Variants in RPTOR observed in about 807,000 individuals in gnomAD.
RPTOR encodes the protein regulatory-associated protein of mTOR.
Under a neutral mutation model 169.9 loss-of-function variants are expected in RPTOR, and 21 were observed. The ratio of observed to expected loss-of-function variants is 0.12; its 90% CI spans 0.09 to 0.18. The LOEUF (loss-of-function observed/expected upper bound fraction) is 0.18. Among genes scored for constraint, RPTOR ranks in the 10% least tolerant of loss-of-function variants. The probability of loss-of-function intolerance (pLI) is 1.00; values close to 1 mark genes in which losing one functional copy is unlikely to be tolerated. For missense variants in RPTOR, 1,133 were observed against 1,855.9 expected, an observed-to-expected ratio of 0.61 and a Z score of 7.16; for synonymous variants, 732 against 753.2, an observed-to-expected ratio of 0.97 and a Z score of 0.46.
chr17:80,904,250 G>A (rs774072841), intron 20 of RPTOR, among the ~76,000 whole-genome samples: 5 of 152,208 alleles, frequency 3.3e-5, no homozygotes, highest in African/African-American at 7.2e-5. Flanking sequence ...AGGGGCCGCT[G>A]CGGAAGCCCT....
At chr17:80,592,570 T>TA (rs2143414752) in intron 1 of RPTOR, among the ~76,000 whole-genome samples, 1 of 152,308 alleles carries the variant, frequency 6.6e-6, no homozygotes, top group South Asian at 2.1e-4. Flanking sequence ...CATTAACTGT[T>TA]CTCTGTGGCC....
chr17:80,666,233 T>C (rs190522960), intron 3 of RPTOR, among the ~76,000 whole-genome samples: 10 of 150,322 alleles, frequency 6.7e-5, no homozygotes, highest in African/African-American at 2.3e-4. Flanking sequence ...TAAAATATTA[T>C]TCTTCTCCAA....
At chr17:80,652,020 A>T (rs1357446907) in intron 3 of RPTOR, among the ~76,000 whole-genome samples, 1 of 151,290 alleles carries the variant, frequency 6.6e-6, no homozygotes, top group Non-Finnish European at 1.5e-5. Context: ...AAAAAAAAAA[A>T]TTAGCTGGGC....
intron 23 of RPTOR, 196 bp downstream of exon 23, chr17:80,923,869 C>T: frequency 1.7e-6 from 1 of 604,190 alleles, no homozygotes; most frequent in East Asian, 2.9e-5. Context: ...CCTCTGCCTG[C>T]ACTCCTTAGG....
intron 3 of RPTOR, among the ~76,000 whole-genome samples, chr17:80,686,575 G>A (rs892621978): frequency 6.6e-6 from 1 of 152,028 alleles, no homozygotes; most frequent in Non-Finnish European, 1.5e-5. Flanking sequence ...GGGACTCATT[G>A]GTATTCTCTC....
Position 80,590,277 on chromosome 17 carries a change from G to T in RPTOR, c.163-35414G>T, listed in dbSNP as rs868135015. ...GGCATGCAGGTATGCACACATGCGT[G>T]CACACAGTGTCTTTAATGGTTGGGC... On this transcript the variant is annotated intron_variant, in intron 1 of 33. Transcript: ENST00000306801. Among the ~76,000 whole-genome samples the T allele has an allele frequency of 3.4e-5, 5 of 148,874 alleles. No individual in the cohort carries two copies. In the South Asian group the frequency reaches 1.1e-3, roughly 32 times the overall value.
intron 4 of RPTOR, among the ~76,000 whole-genome samples, chr17:80,715,449 C>T (rs1281250972): frequency 6.6e-6 from 1 of 152,208 alleles, no homozygotes; most frequent in Non-Finnish European, 1.5e-5. Flanking sequence ...GGCATTTAAT[C>T]CCTGTGAGGC....
intron 1 of RPTOR, among the ~76,000 whole-genome samples, chr17:80,596,177 AAATTGGTTT>A (rs57772814): frequency 0.18 from 27,679 of 151,770 alleles, 2,896 homozygotes; most frequent in East Asian, 0.27. Context: ...TATTTTAAGA[AAATTGGTTT>A]TTTGCTGCCT....
At chr17:80,788,431 G>A (rs2067015583) in intron 6 of RPTOR, among the ~76,000 whole-genome samples, 1 of 152,158 alleles carries the variant, frequency 6.6e-6, no homozygotes. Context: ...CTGGGTGACA[G>A]AGTGAGACTC....
chr17:80,859,888 G>C (rs561337344), intron 13 of RPTOR, among the ~76,000 whole-genome samples: 76 of 152,334 alleles, frequency 5.0e-4, no homozygotes, highest in Admixed American at 7.8e-4. Context: ...GAGGGAGCAG[G>C]GGCCACATAG....
At chr17:80,894,574 C>T (rs1238104920) in intron 20 of RPTOR, among the ~76,000 whole-genome samples, 3 of 152,162 alleles carry the variant, frequency 2.0e-5, no homozygotes, top group East Asian at 1.9e-4. Context: ...AGGAATTCAC[C>T]GTGTTTTCTT....
At chr17:80,909,896 C>G (rs2068591819) in intron 21 of RPTOR, 1 of 152,154 alleles carries the variant, frequency 6.6e-6, no homozygotes, top group African/African-American at 2.4e-5. Flanking sequence ...TCTTCTCATC[C>G]TAGTTTCTTA....
intron 11 of RPTOR, among the ~76,000 whole-genome samples, chr17:80,854,307 G>A (rs2067828487): frequency 1.3e-5 from 2 of 152,192 alleles, no homozygotes. Flanking sequence ...CTTGTGGGCA[G>A]GTGTTGTGTT....
At chr17:80,743,215 CTCT>C in intron 5 of RPTOR, 1 of 984,640 alleles carries the variant, frequency 1.0e-6, no homozygotes, top group Non-Finnish European at 1.2e-6. Context: ...AAGGCTCTCT[CTCT>C]TATGACTCAG....
chr17:80,705,058 A>G (rs1481270587), intron 3 of RPTOR, among the ~76,000 whole-genome samples: 1 of 152,170 alleles, frequency 6.6e-6, no homozygotes, highest in Non-Finnish European at 1.5e-5. Flanking sequence ...CCACGCATCG[A>G]CACCCCTCCT....
intron 1 of RPTOR, among the ~76,000 whole-genome samples, chr17:80,611,862 T>C (rs35718970): frequency 0.097 from 14,781 of 152,104 alleles, 789 homozygotes; most frequent in Middle Eastern, 0.13. Flanking sequence ...AGACTTCTTG[T>C]GGAAGGGTCC....
At position 80,633,161 on chromosome 17, in the gene RPTOR, T is replaced by C. The variant is rs2065455037; in HGVS notation, c.265+7368T>C. Among the ~76,000 whole-genome samples, 1 of 152,248 alleles carries C rather than the reference T, an allele frequency of 6.6e-6. No homozygotes were observed. The highest frequency in any genetic ancestry group is 1.9e-4 in the East Asian group (1 of 5,206). ...GTATAGTACTAAGCTGTTTCCTTTC[T>C]GATTCTCTGAGAGAAGGCGGCTGAC... On this transcript the variant is annotated intron_variant, in intron 2 of 33. Transcript: ENST00000306801. This position sits in a 1 kb window ranked among gnomAD's most constrained non-coding sequence, Gnocchi z 4.1.
At chr17:80,930,278 C>CT in intron 24 of RPTOR, among the ~76,000 whole-genome samples, 1 of 54,656 alleles carries the variant, frequency 1.8e-5, no homozygotes, top group African/African-American at 5.8e-5. Context: ...TCAGCTCATC[C>CT]CCTGCTCATC....
At chr17:80,771,766 G>A (rs2066845790) in intron 6 of RPTOR, among the ~76,000 whole-genome samples, 1 of 152,172 alleles carries the variant, frequency 6.6e-6, no homozygotes, top group East Asian at 1.9e-4. Flanking sequence ...GTGTCCCTCA[G>A]CCAGCCACCG....
Sources: allele counts gnomAD v4.1 joint callset (sites outside exome capture counted in the v4.1 genomes callset), GRCh38; gene constraint gnomAD v4.1.1; non-coding constraint Gnocchi (gnomAD v3.1); transcripts MANE v1.5; gene names NCBI Gene and HGNC (gene_info 2026-07-23, HGNC 2026-07-21).